The following SPO11 variants were observed in gnomAD, a reference collection of about 807,000 sequenced individuals.
SPO11 encodes the protein meiotic recombination protein SPO11.
A neutral mutation model predicts 51.6 loss-of-function variants in SPO11; 49 were observed. That is an observed-to-expected ratio of 0.95 (90% CI 0.75 to 1.20). The LOEUF is 1.20. Ranked by LOEUF, SPO11 falls within the 50% of genes most tolerant of loss-of-function variation. The pLI, the probability that SPO11 is intolerant of heterozygous loss-of-function variation, is 0.00. For missense variants in SPO11, 431 were observed against 473.4 expected, an observed-to-expected ratio of 0.91 and a Z score of 0.83; for synonymous variants, 176 against 158.2, an observed-to-expected ratio of 1.11 and a Z score of -0.84.
intron 2 of SPO11, 61 bp from the exon 3 acceptor site, chr20:57,333,127 T>C: frequency 8.3e-7 from 1 of 1,207,698 alleles, no homozygotes; most frequent in Non-Finnish European, 1.2e-6. Flanking sequence ...TAAGTATATA[T>C]TGTTTGGTGT....
intron 1 of SPO11, 103 bp downstream of exon 1, chr20:57,330,101 C>T: frequency 2.1e-6 from 3 of 1,413,956 alleles, no homozygotes; most frequent in Non-Finnish European, 2.8e-6. Flanking sequence ...GAGGAGGCAC[C>T]CCTTGGCGGG....
intron 4 of SPO11, 83 bp from the exon 5 acceptor site, chr20:57,333,904 G>T (rs972601942): frequency 2.2e-5 from 21 of 973,812 alleles, no homozygotes; most frequent in Non-Finnish European, 2.7e-5. Flanking sequence ...TCCAGTTAAA[G>T]CTTTCTTCAA....
chr20:57,334,829 G>C lies in SPO11; in HGVS notation c.590G>C (p.Gly197Ala). 15 of 1,613,462 alleles carry C rather than the reference G, an allele frequency of 9.3e-6. No individual in the cohort carries two copies. Among genetic ancestry groups the C allele is most frequent in the Non-Finnish European group, 1.3e-5 (15 of 1,179,570 alleles). Residue 197 changes from glycine to alanine, a missense_variant, in exon 6 of 13, where the codon GGT becomes GCT. Physicochemically the swap from Gly to Ala is moderately conservative, Grantham distance 60. Transcript: ENST00000371263. ...EDGTKVNCTC[G>A]ATAVAVPSNI... ...GGCACCAAAGTGAATTGTACCTGTG[G>C]TGCAACGGTAAGAAGCATCATTGAA...
chr20:57,343,340 G>A lies in SPO11; in HGVS notation c.1072-1G>A. 6.2e-7 allele frequency: 1 copy of A among 1,606,008 alleles called. No individual in the cohort carries two copies. The highest frequency in any genetic ancestry group is 8.5e-7 in the Non-Finnish European group (1 of 1,177,704). On this transcript the variant is annotated splice_acceptor_variant, in intron 12 of 12. Transcript: ENST00000371263. LOFTEE classifies it high-confidence loss of function. Reference sequence around the variant, plus strand: ...TGAGTACATTTTACTTTTATTGACAGATGGAAATAATGGCAGACTCTAAAA... The same window carrying A: ...TGAGTACATTTTACTTTTATTGACAAATGGAAATAATGGCAGACTCTAAAA...
chr20:57,339,504 AAG>A (rs1335041962), intron 10 of SPO11, among the ~76,000 whole-genome samples: 1 of 152,176 alleles, frequency 6.6e-6, no homozygotes, highest in Non-Finnish European at 1.5e-5. Flanking sequence ...CATCATCTGG[AAG>A]ATTCTTAGAA....
At chr20:57,332,328 C>T (rs2066460087) in intron 2 of SPO11, among the ~76,000 whole-genome samples, 1 of 152,176 alleles carries the variant, frequency 6.6e-6, no homozygotes, top group African/African-American at 2.4e-5. Flanking sequence ...ACCACTTGCT[C>T]AGGGGAAATA....
Position 57,338,321 on chromosome 20 carries a change from C to T in SPO11, c.790C>T (p.Leu264=). ...AAACACAAGACTTTTAGTCAAGAAACTGTGGGATACATTTCATGTTCCTGT... is the reference window on the plus strand; with the variant it reads ...AAACACAAGACTTTTAGTCAAGAAATTGTGGGATACATTTCATGTTCCTGT... ...DLNTRLLVKK[L]WDTFHVPVFT... Residue 264 remains leucine, a synonymous_variant, in exon 9 of 13, where the codon CTG becomes TTG. Coordinates refer to ENST00000371263, the MANE Select transcript of SPO11 (RefSeq NM_012444.3). The T allele has an allele frequency of 1.2e-6, 2 of 1,613,854 alleles. No homozygotes were observed. Among genetic ancestry groups the T allele is most frequent in the Middle Eastern group, 1.6e-4 (1 of 6,062 alleles).
At position 57,337,619 on chromosome 20, in the gene SPO11, A is replaced by G. The variant is rs535357227; in HGVS notation, c.745-657A>G. The G allele has an allele frequency of 6.8e-6, 4 of 590,242 alleles. No individual in the cohort carries two copies. In the African/African-American group the frequency reaches 7.9e-5, roughly 12 times the overall value. The allele number at this position is 590,242 out of a possible 1,614,324, so 36.6% of individuals were successfully genotyped here. A position where few individuals can be genotyped will look rare whatever the true frequency, so the allele number is the denominator to read the frequency against. ...AACACTTCAGTGAGCATCTTTAAATATGTAGGATGTTTATTATTTCTGTTT... is the reference window on the plus strand; with the variant it reads ...AACACTTCAGTGAGCATCTTTAAATGTGTAGGATGTTTATTATTTCTGTTT... On this transcript the variant is annotated intron_variant, in intron 8 of 12. Coordinates refer to ENST00000371263, the MANE Select transcript of SPO11 (RefSeq NM_012444.3).
At position 57,330,022 on chromosome 20, in the gene SPO11, C is replaced by T. The variant is rs1201988745; in HGVS notation, c.131+24C>T. The stretch of plus-strand genomic sequence containing the variant: ...AGGTACAGGAGCTGGTGCCGAGGCG[C>T]GACGCAGCCACTCTGTAGAAAAGTC... On this transcript the variant is annotated intron_variant, in intron 1 of 12. Transcript: ENST00000371263. 6 of 1,556,286 alleles carry T rather than the reference C, an allele frequency of 3.9e-6. No individual in the cohort carries two copies. In the African/African-American group the frequency reaches 4.1e-5, roughly 11 times the overall value.
At chr20:57,341,969 T>C (rs562820607) in intron 11 of SPO11, among the ~76,000 whole-genome samples, 2 of 152,270 alleles carry the variant, frequency 1.3e-5, no homozygotes, top group African/African-American at 4.8e-5. Context: ...GTCACCCCTA[T>C]CCAAGAACTG....
intron 10 of SPO11, among the ~76,000 whole-genome samples, chr20:57,339,391 C>G (rs1465529925): frequency 6.6e-6 from 1 of 152,204 alleles, no homozygotes; most frequent in Admixed American, 6.5e-5. Context: ...AATCCCTTTT[C>G]TCCCACCATA....
At chr20:57,340,056 T>G (rs2066562066) in intron 10 of SPO11, 46 bp from the exon 11 acceptor site, 1 of 1,306,106 alleles carries the variant, frequency 7.7e-7, no homozygotes, top group Non-Finnish European at 1.1e-6. Context: ...AATGCTAGTT[T>G]TCTACAATTT....
rs533771428 is a variant in SPO11, at chr20:57,339,683, AT to A, written c.883-416del. Among the ~76,000 whole-genome samples the A allele has an allele frequency of 5.9e-5, 9 of 152,364 alleles. No homozygotes were observed. In the East Asian group the frequency reaches 1.7e-3, roughly 29 times the overall value. On this transcript the variant is annotated intron_variant, in intron 10 of 12. Coordinates refer to ENST00000371263, the MANE Select transcript of SPO11 (RefSeq NM_012444.3). ...TAAGAAATGTAGGTCAGAGGGCTTC[AT>A]TTATAGTTTGCTTTAGAAAATTAAT... is the stretch of plus-strand genomic sequence containing the variant.
In SPO11 at chr20:57,333,883, TTG is replaced by T. The variant is rs926443888; in HGVS notation, c.402-100_402-99del. 5.5e-6 allele frequency: 5 copies of T among 906,144 alleles called. No homozygotes were observed. In the African/African-American group the frequency reaches 6.8e-5, roughly 12 times the overall value. 56.1% of individuals were successfully genotyped at this position (906,144 alleles called of 1,614,324 possible). ...GCTCATAATTTACTTTCTTTATATG[TTG>T]TGTTTTCATCCAGTTAAAGCTTTCT... On this transcript the variant is annotated intron_variant, in intron 4 of 12. Transcript: ENST00000371263.
chr20:57,338,767 G>A (rs1008164190), intron 9 of SPO11, among the ~76,000 whole-genome samples: 2 of 151,802 alleles, frequency 1.3e-5, no homozygotes, highest in East Asian at 1.9e-4. Context: ...TTCTACTCTC[G>A]GGACACTTAT....
At chr20:57,335,503 A>G (rs1185775094) in intron 7 of SPO11, 48 bp downstream of exon 7, 1 of 1,554,162 alleles carries the variant, frequency 6.4e-7, no homozygotes, top group African/African-American at 1.4e-5. Flanking sequence ...ATGTTCATTC[A>G]TTCATTAATT....
intron 1 of SPO11, 95 bp from the exon 2 acceptor site, chr20:57,331,737 TA>T: frequency 1.7e-6 from 1 of 593,752 alleles, no homozygotes. Flanking sequence ...AAGAATAAAA[TA>T]AAAAGTTACT....
At chr20:57,334,332 T>G (rs1271397245) in intron 5 of SPO11, among the ~76,000 whole-genome samples, 10 of 152,060 alleles carry the variant, frequency 6.6e-5, no homozygotes, top group African/African-American at 2.2e-4. Flanking sequence ...TTTTTTGTAT[T>G]GTTAGTAGGG....
intron 5 of SPO11, among the ~76,000 whole-genome samples, chr20:57,334,453 CAAAACATAATTTT>C (rs1404652833): frequency 1.3e-5 from 2 of 152,198 alleles, no homozygotes; most frequent in Non-Finnish European, 2.9e-5. Flanking sequence ...CGCGCCCAGA[CAAAACATAATTTT>C]AAAACATAAT....
Sources: allele counts gnomAD v4.1 joint callset (sites outside exome capture counted in the v4.1 genomes callset), GRCh38; gene constraint gnomAD v4.1.1; transcripts MANE v1.5; gene names NCBI Gene and HGNC (gene_info 2026-07-23, HGNC 2026-07-21).